The following SPIDR variants were observed in gnomAD, a reference collection of about 807,000 sequenced individuals.
SPIDR encodes scaffold protein involved in DNA repair.
Under a neutral mutation model 104.6 loss-of-function variants are expected in SPIDR, and 93 were observed. The ratio of observed to expected loss-of-function variants is 0.89; its 90% confidence interval spans 0.75 to 1.06. The LOEUF (loss-of-function observed/expected upper bound fraction) is 1.06, where lower values mean the gene tolerates loss of function less well. Among genes scored for constraint, SPIDR ranks in the 50% least tolerant of loss-of-function variants. The pLI, the probability that SPIDR is intolerant of heterozygous loss-of-function variation, is 0.00. For synonymous variants in SPIDR, 431 were observed against 416.9 expected (o/e 1.03, Z -0.41); for missense variants, 1,154 against 1,111.2 (o/e 1.04, Z -0.55).
intron 8 of SPIDR, among the ~76,000 whole-genome samples, chr8:47,570,844 G>A (rs1283559363): frequency 1.3e-5 from 2 of 152,216 alleles, no homozygotes; most frequent in African/African-American, 2.4e-5. Flanking sequence ...TATAATCCCA[G>A]CACTTTGGAA....
At chr8:47,292,699 C>T (rs1280984188) in intron 4 of SPIDR, among the ~76,000 whole-genome samples, 3 of 152,154 alleles carry the variant, frequency 2.0e-5, no homozygotes, top group Admixed American at 6.5e-5. Flanking sequence ...GTTTTGTGAC[C>T]ACAAAAGTTT....
chr8:47,512,992 A>T (rs1401420119), intron 8 of SPIDR, among the ~76,000 whole-genome samples: 1 of 152,230 alleles, frequency 6.6e-6, no homozygotes, highest in Non-Finnish European at 1.5e-5. Flanking sequence ...CTGTAAAAGC[A>T]AGGACCCTGA....
chr8:47,337,700 C>A (rs1554610686), intron 5 of SPIDR, among the ~76,000 whole-genome samples: 1 of 148,066 alleles, frequency 6.8e-6, no homozygotes, highest in African/African-American at 2.5e-5. Flanking sequence ...CTTCTAAGAT[C>A]TTTATAGTTT....
intron 8 of SPIDR, among the ~76,000 whole-genome samples, chr8:47,449,364 T>C (rs1554704240): frequency 6.6e-6 from 1 of 151,958 alleles, no homozygotes; most frequent in Non-Finnish European, 1.5e-5. Context: ...ACAAGAGAGG[T>C]TATGATTCCA....
intron 10 of SPIDR, among the ~76,000 whole-genome samples, chr8:47,662,786 T>G (rs1285741743): frequency 6.6e-6 from 1 of 152,112 alleles, no homozygotes; most frequent in African/African-American, 2.4e-5. Flanking sequence ...ACCCGCAAGG[T>G]ATTAGGGGGT....
chr8:47,638,103 T>C (rs918063888), intron 10 of SPIDR, among the ~76,000 whole-genome samples: 1 of 152,228 alleles, frequency 6.6e-6, no homozygotes, highest in Non-Finnish European at 1.5e-5. Context: ...CCCTTTGATA[T>C]ACTCCCATAA....
chr8:47,408,546 C>G (rs2063069084), intron 7 of SPIDR, among the ~76,000 whole-genome samples: 1 of 152,154 alleles, frequency 6.6e-6, no homozygotes, highest in Non-Finnish European at 1.5e-5. Context: ...TGACAAATAC[C>G]TCTCTATTGG....
chr8:47,528,342 A>G (rs923195574), intron 8 of SPIDR, among the ~76,000 whole-genome samples: 1 of 152,142 alleles, frequency 6.6e-6, no homozygotes, highest in Non-Finnish European at 1.5e-5. Flanking sequence ...TATACTAAAG[A>G]TCTTTATACT....
chr8:47,625,017 C>A (rs1006301032), intron 10 of SPIDR, among the ~76,000 whole-genome samples: 1 of 152,164 alleles, frequency 6.6e-6, no homozygotes, highest in African/African-American at 2.4e-5. Context: ...AATCCAGCAG[C>A]ACCTCAAAAA....
At chr8:47,380,007 G>A (rs1587946377) in intron 5 of SPIDR, among the ~76,000 whole-genome samples, 1 of 152,174 alleles carries the variant, frequency 6.6e-6, no homozygotes, top group African/African-American at 2.4e-5. Context: ...CCATTGTGTA[G>A]CATTTTAATT....
At chr8:47,523,133 C>T (rs1226119917) in intron 8 of SPIDR, among the ~76,000 whole-genome samples, 2 of 152,116 alleles carry the variant, frequency 1.3e-5, no homozygotes, top group Non-Finnish European at 1.5e-5. Flanking sequence ...GTTGGGACTA[C>T]AGGCATAGCG....
At chr8:47,402,405 A>G (rs1162993241) in intron 6 of SPIDR, among the ~76,000 whole-genome samples, 2 of 152,342 alleles carry the variant, frequency 1.3e-5, no homozygotes, top group African/African-American at 2.4e-5. Flanking sequence ...AAAATCAGTG[A>G]ATCCAGGAGC....
At chr8:47,711,382 T>G (rs2081866464) in intron 14 of SPIDR, among the ~76,000 whole-genome samples, 2 of 152,124 alleles carry the variant, frequency 1.3e-5, no homozygotes, top group African/African-American at 4.8e-5. Context: ...TCTTGCTATG[T>G]TCACTACGCT....
chr8:47,653,000 C>A lies in SPIDR; in HGVS notation c.1545-20801C>A, dbSNP rs114128426. Among the ~76,000 whole-genome samples, 1,501 of 152,256 alleles carry A rather than the reference C, an allele frequency of 9.9e-3. 27 individuals are homozygous for A. The highest frequency in any genetic ancestry group is 0.033 in the African/African-American group (1,386 of 41,520). ...CCAGTTCATTAGACTCTAATCTAGT[C>A]CCATACTGGAACTACAGAGCCTGAA... On this transcript the variant is annotated intron_variant, in intron 10 of 19. Coordinates refer to ENST00000297423, the MANE Select transcript of SPIDR (RefSeq NM_001080394.4).
At chr8:47,712,579 T>C in intron 14 of SPIDR, 83 bp from the exon 15 acceptor site, 3 of 1,338,992 alleles carry the variant, frequency 2.2e-6, no homozygotes, top group Admixed American at 4.1e-5. Flanking sequence ...AAATTGTTAG[T>C]ATATGTATAA....
intron 10 of SPIDR, among the ~76,000 whole-genome samples, chr8:47,608,045 A>G (rs1409933469): frequency 6.6e-6 from 1 of 152,198 alleles, no homozygotes; most frequent in Admixed American, 6.5e-5. Context: ...AATCATAACT[A>G]TAATACGATA....
chr8:47,560,967 G>A (rs951860311), intron 8 of SPIDR, among the ~76,000 whole-genome samples: 3 of 152,182 alleles, frequency 2.0e-5, no homozygotes, highest in Non-Finnish European at 4.4e-5. Flanking sequence ...ACCTAAAGCA[G>A]AGGTAGTTCA....
At chr8:47,656,256 G>C (rs2154459796) in intron 10 of SPIDR, among the ~76,000 whole-genome samples, 1 of 152,208 alleles carries the variant, frequency 6.6e-6, no homozygotes, top group Non-Finnish European at 1.5e-5. Context: ...AAACAAATTT[G>C]CAAATCACTA....
chr8:47,477,100 T>C (rs2076373945), intron 8 of SPIDR, among the ~76,000 whole-genome samples: 1 of 152,234 alleles, frequency 6.6e-6, no homozygotes, highest in African/African-American at 2.4e-5. Flanking sequence ...TGAGCATAGT[T>C]TCCTAATGAG....
Sources: gnomAD v4.1 joint callset for allele counts (sites outside exome capture counted in the v4.1 genomes callset) on GRCh38, gnomAD v4.1.1 for gene constraint, MANE v1.5 for transcripts, NCBI Gene and HGNC (gene_info 2026-07-23, HGNC 2026-07-21) for gene names.